NDST4: variants seen among roughly 807,000 people sequenced by gnomAD.
The protein encoded by NDST4 is N-heparan sulfate sulfotransferase 4.
In NDST4, 63 loss-of-function variants were observed where a neutral mutation model predicts 100.8. The ratio of observed to expected loss-of-function variants is 0.62; its 90% confidence interval spans 0.51 to 0.77. The LOEUF (loss-of-function observed/expected upper bound fraction) is 0.77, where lower values mean the gene tolerates loss of function less well. Among genes scored for constraint, NDST4 ranks in the 30% least tolerant of loss-of-function variants. The pLI is 0.00. For synonymous variants in NDST4, 377 were observed against 361.8 expected (o/e 1.04, Z -0.48); for missense variants, 943 against 1,018.4 (o/e 0.93, Z 1.01).
chr4:115,066,241 C>T (rs756817122), intron 2 of NDST4, among the ~76,000 whole-genome samples: 4 of 152,124 alleles, frequency 2.6e-5, no homozygotes, highest in African/African-American at 4.8e-5. Context: ...TGTATTTTCT[C>T]AACTTTTTAA....
In NDST4 at chr4:114,848,341, G is replaced by T; in HGVS notation, c.1817-3C>A. 6.4e-7 allele frequency: 1 copy of T among 1,564,830 alleles called. No individual in the cohort carries two copies. Among genetic ancestry groups the T allele is most frequent in the Non-Finnish European group, 8.6e-7 (1 of 1,158,478 alleles). ...AAATAAATAAAGTGCAGTTGTTCCT[G>T]TTACAAAAAAAGAAAGTAAAAGGTT... On this transcript the variant is annotated splice_polypyrimidine_tract_variant and splice_region_variant and intron_variant, in intron 8 of 13. Transcript: ENST00000264363.
chr4:114,850,526 C>T (rs1434017666), intron 8 of NDST4, among the ~76,000 whole-genome samples: 1 of 152,132 alleles, frequency 6.6e-6, no homozygotes, highest in African/African-American at 2.4e-5. Flanking sequence ...TTCATCTATC[C>T]TTGACATTAA....
At chr4:114,828,446 T>G (rs941868362) in intron 13 of NDST4, among the ~76,000 whole-genome samples, 2 of 152,188 alleles carry the variant, frequency 1.3e-5, no homozygotes, top group African/African-American at 4.8e-5. Context: ...GAAATATATT[T>G]TTTTAGTCAC....
chr4:114,867,665 C>CAAAAAAAAAAAAAAAAAAAAAAAAAG, intron 7 of NDST4, among the ~76,000 whole-genome samples: 1 of 79,900 alleles, frequency 1.3e-5, no homozygotes, highest in Non-Finnish European at 2.3e-5. Flanking sequence ...AAAAAAAAAG[C>CAAAAAAAAAAAAAAAAAAAAAAAAAG]AAAAAAAAAA....
intron 6 of NDST4, among the ~76,000 whole-genome samples, chr4:114,929,505 T>C (rs1449790154): frequency 6.6e-6 from 1 of 152,160 alleles, no homozygotes; most frequent in African/African-American, 2.4e-5. Context: ...TCTCTATCAT[T>C]TACCTATGTA....
intron 2 of NDST4, among the ~76,000 whole-genome samples, chr4:115,034,316 T>C (rs573670186): frequency 1.2e-3 from 181 of 152,166 alleles, no homozygotes; most frequent in African/African-American, 4.2e-3. Flanking sequence ...TGCCGTGTCC[T>C]CCTTCCTCCT....
intron 2 of NDST4, among the ~76,000 whole-genome samples, chr4:115,019,656 G>A (rs10002405): frequency 0.085 from 13,001 of 152,082 alleles, 1,842 homozygotes; most frequent in African/African-American, 0.29. Flanking sequence ...TAGTGCCCTG[G>A]TTTCAATGGC....
intron 9 of NDST4, among the ~76,000 whole-genome samples, chr4:114,846,706 C>G (rs978346228): frequency 1.3e-5 from 2 of 152,054 alleles, no homozygotes; most frequent in African/African-American, 4.8e-5. Context: ...TGTGTGTAAC[C>G]CTCCTTACAG....
At chr4:115,085,960 T>C (rs879514681) in intron 1 of NDST4, among the ~76,000 whole-genome samples, 4 of 152,192 alleles carry the variant, frequency 2.6e-5, no homozygotes, top group Non-Finnish European at 5.9e-5. Context: ...GGTGTCCGTA[T>C]ATGCATGTGT....
chr4:114,969,193 A>G (rs1449713708), intron 4 of NDST4, among the ~76,000 whole-genome samples: 1 of 151,018 alleles, frequency 6.6e-6, no homozygotes, highest in Non-Finnish European at 1.5e-5. Flanking sequence ...GGGCGCCTGT[A>G]GTCCCAGCTA....
intron 4 of NDST4, among the ~76,000 whole-genome samples, chr4:114,943,684 A>G (rs1012862163): frequency 6.6e-6 from 1 of 152,214 alleles, no homozygotes; most frequent in African/African-American, 2.4e-5. Flanking sequence ...TCCAAACAGT[A>G]TACTAGAGCT....
intron 7 of NDST4, among the ~76,000 whole-genome samples, chr4:114,858,279 A>G (rs950462221): frequency 1.3e-5 from 2 of 152,220 alleles, no homozygotes; most frequent in South Asian, 4.1e-4. Context: ...TTTGACATGT[A>G]TTCCAAACAT....
intron 4 of NDST4, among the ~76,000 whole-genome samples, chr4:114,940,746 G>A (rs181975772): frequency 1.1e-3 from 161 of 152,262 alleles, no homozygotes; most frequent in Non-Finnish European, 2.0e-3. Flanking sequence ...GGAATTGAAG[G>A]GTGGTGAATG....
chr4:114,914,469 A>T (rs965975691), intron 6 of NDST4, among the ~76,000 whole-genome samples: 4 of 152,138 alleles, frequency 2.6e-5, no homozygotes, highest in African/African-American at 9.7e-5. Flanking sequence ...ACAAAAATTA[A>T]AATATAAAAT....
intron 2 of NDST4, among the ~76,000 whole-genome samples, chr4:115,028,006 T>G (rs117189667): frequency 2.6e-5 from 4 of 151,560 alleles, no homozygotes; most frequent in Non-Finnish European, 4.4e-5. Context: ...TGAGGAGAGA[T>G]TCACCGATTC....
At position 114,937,318 on chromosome 4, in the gene NDST4, C is replaced by T; in HGVS notation, c.1407G>A (p.Met469Ile). Reference protein sequence around the residue: ...YRKGFIHNSIMVLPRQTCGLF... With the variant: ...YRKGFIHNSIIVLPRQTCGLF... ...AATATACATGGCTCTCTGTGCTCAC[C>T]ATGATGCTATTGTGAATGAAGCCCT... Residue 469 changes from methionine (M) to isoleucine (I), a missense_variant and splice_region_variant, in exon 5 of 14, where the codon ATG (methionine) becomes ATA (isoleucine). Physicochemically the swap from Met to Ile is conservative, Grantham distance 10. Around this residue, in one of 2 missense-constraint regions of NDST4, gnomAD observed 526 missense variants for 634.1 expected, o/e 0.83. Coordinates refer to ENST00000264363, the MANE Select transcript of NDST4 (RefSeq NM_022569.3). 1 of 1,613,992 alleles carries T rather than the reference C, an allele frequency of 6.2e-7. No homozygotes were observed. The highest frequency in any genetic ancestry group is 8.5e-7 in the Non-Finnish European group (1 of 1,179,864).
chr4:115,078,179 C>T (rs950093724), intron 1 of NDST4, among the ~76,000 whole-genome samples: 4 of 152,216 alleles, frequency 2.6e-5, no homozygotes, highest in South Asian at 4.1e-4. Flanking sequence ...AATTGGCTCA[C>T]GGTTCTGCAG....
chr4:115,070,160 T>C (rs1235285622), intron 2 of NDST4, among the ~76,000 whole-genome samples: 1 of 152,146 alleles, frequency 6.6e-6, no homozygotes, highest in African/African-American at 2.4e-5. Context: ...AGCAAAGATA[T>C]GCAATTGATC....
intron 1 of NDST4, among the ~76,000 whole-genome samples, chr4:115,079,207 C>G (rs1186497272): frequency 6.6e-6 from 1 of 151,712 alleles, no homozygotes; most frequent in African/African-American, 2.4e-5. Context: ...CAAAAATTAG[C>G]TGGGTGTGGT....
Sources: allele counts gnomAD v4.1 joint callset (sites outside exome capture counted in the v4.1 genomes callset), GRCh38; gene constraint gnomAD v4.1.1; regional missense constraint gnomAD v4.1.1; transcripts MANE v1.5; gene names NCBI Gene and HGNC (gene_info 2026-07-23, HGNC 2026-07-21).